The following RERE variants were observed in gnomAD, a reference collection of about 807,000 sequenced individuals.
RERE encodes arginine-glutamic acid dipeptide repeats protein.
RERE carries 40 observed loss-of-function variants against 146.1 expected under a neutral mutation model. The observed-to-expected ratio is 0.27, with a 90% CI of 0.21 to 0.36. The LOEUF is 0.36. Ranked by LOEUF, RERE falls within the 10% of genes least tolerant of loss-of-function variation. The pLI is 1.00. For synonymous variants in RERE, 1,003 were observed against 866.0 expected, an observed-to-expected ratio of 1.16 and a Z score of -2.78; for missense variants, 1,933 against 2,138.7, an observed-to-expected ratio of 0.90 and a Z score of 1.90.
At chr1:8,554,238 TG>T (rs1309123141) in intron 6 of RERE, among the ~76,000 whole-genome samples, 1 of 152,234 alleles carries the variant, frequency 6.6e-6, no homozygotes, top group Non-Finnish European at 1.5e-5. Context: ...TCAAATATGT[TG>T]ATTTTAAGCA....
At chr1:8,593,197 T>C (rs1206070578) in intron 4 of RERE, among the ~76,000 whole-genome samples, 7 of 152,158 alleles carry the variant, frequency 4.6e-5, no homozygotes, top group South Asian at 2.1e-4. Context: ...TAAACCAAAG[T>C]TGTTAGGCAC....
intron 7 of RERE, among the ~76,000 whole-genome samples, chr1:8,531,788 T>C (rs1296954435): frequency 6.6e-6 from 1 of 152,218 alleles, no homozygotes; most frequent in Non-Finnish European, 1.5e-5. Flanking sequence ...TTGAATTTTA[T>C]CAAGTGCTTT....
chr1:8,673,268 G>C (rs1182188749), intron 1 of RERE, among the ~76,000 whole-genome samples: 1 of 152,094 alleles, frequency 6.6e-6, no homozygotes, highest in Non-Finnish European at 1.5e-5. Context: ...GCTAATTTTT[G>C]TATTTTTAGT....
intron 10 of RERE, among the ~76,000 whole-genome samples, chr1:8,494,133 C>G (rs773350085): frequency 7.2e-5 from 11 of 152,122 alleles, no homozygotes; most frequent in Admixed American, 1.3e-4. Flanking sequence ...GTCATGCAAC[C>G]AACTCAGTAA....
chr1:8,681,854 G>C (rs1638979517), intron 1 of RERE, among the ~76,000 whole-genome samples: 1 of 152,148 alleles, frequency 6.6e-6, no homozygotes, highest in Non-Finnish European at 1.5e-5. Flanking sequence ...AGGAATGGAA[G>C]GCGAAATTGA....
At chr1:8,680,124 G>A (rs111314948) in intron 1 of RERE, among the ~76,000 whole-genome samples, 117 of 152,228 alleles carry the variant, frequency 7.7e-4, no homozygotes, top group African/African-American at 2.7e-3. Flanking sequence ...AGGCAGTCAC[G>A]TGACACCAAT....
chr1:8,688,364 C>A (rs1229658418), intron 1 of RERE, among the ~76,000 whole-genome samples: 1 of 152,026 alleles, frequency 6.6e-6, no homozygotes, highest in Non-Finnish European at 1.5e-5. Context: ...GAGTCGAAGA[C>A]CAGCCTGGGT....
intron 4 of RERE, among the ~76,000 whole-genome samples, chr1:8,614,347 C>A (rs980717307): frequency 6.6e-6 from 1 of 152,138 alleles, no homozygotes; most frequent in African/African-American, 2.4e-5. Flanking sequence ...CCAAAATACC[C>A]TTCCACCAAA....
intron 10 of RERE, among the ~76,000 whole-genome samples, chr1:8,484,832 T>C (rs759135923): frequency 6.6e-6 from 1 of 152,216 alleles, no homozygotes; most frequent in Non-Finnish European, 1.5e-5. Context: ...GAAATCCCTC[T>C]TTTCCTAATG....
chr1:8,759,877 A>AC (rs36011289), intron 1 of RERE, among the ~76,000 whole-genome samples: 1 of 150,340 alleles, frequency 6.7e-6, no homozygotes, highest in African/African-American at 2.5e-5. Flanking sequence ...ACACACACAC[A>AC]ATATGTCTTG....
At chr1:8,367,447 G>A (rs1384379681) in intron 12 of RERE, among the ~76,000 whole-genome samples, 1 of 152,200 alleles carries the variant, frequency 6.6e-6, no homozygotes, top group Non-Finnish European at 1.5e-5. Context: ...CTTGAAGGAG[G>A]GCTGACTGGC....
chr1:8,490,430 T>G (rs1211669299), intron 10 of RERE, among the ~76,000 whole-genome samples: 2 of 149,542 alleles, frequency 1.3e-5, no homozygotes, highest in Non-Finnish European at 2.9e-5. Context: ...ATCCTGCCAC[T>G]CCAAGTATTT....
At chr1:8,622,220 AT>A (rs1208383541) in intron 3 of RERE, among the ~76,000 whole-genome samples, 1 of 152,226 alleles carries the variant, frequency 6.6e-6, no homozygotes, top group African/African-American at 2.4e-5. Context: ...TCAGCATTTC[AT>A]AAGAGATGCT....
intron 20 of RERE, among the ~76,000 whole-genome samples, chr1:8,357,344 A>G (rs1641334679): frequency 6.6e-6 from 1 of 152,214 alleles, no homozygotes; most frequent in African/African-American, 2.4e-5. Flanking sequence ...GAGGACGGCA[A>G]TGGTGAGTGC....
intron 6 of RERE, among the ~76,000 whole-genome samples, chr1:8,547,519 A>T (rs186099735): frequency 6.6e-6 from 1 of 152,324 alleles, no homozygotes; most frequent in Non-Finnish European, 1.5e-5. Flanking sequence ...GCCATGTACC[A>T]CGGTTGTATA....
chr1:8,647,064 C>T (rs575944532), intron 2 of RERE, among the ~76,000 whole-genome samples: 3 of 152,278 alleles, frequency 2.0e-5, no homozygotes, highest in East Asian at 3.9e-4. Context: ...CCATCCTGGG[C>T]GACCCTGTCT....
At chr1:8,811,951 C>T (rs1641820667) in intron 1 of RERE, among the ~76,000 whole-genome samples, 1 of 152,212 alleles carries the variant, frequency 6.6e-6, no homozygotes, top group Admixed American at 6.5e-5. Context: ...TATCTGGTCG[C>T]TAAAGCTGGG....
At chr1:8,439,239 A>T (rs960554411) in intron 11 of RERE, among the ~76,000 whole-genome samples, 1 of 152,260 alleles carries the variant, frequency 6.6e-6, no homozygotes, top group African/African-American at 2.4e-5. Flanking sequence ...TTGTAAAATC[A>T]AAATCAAAAG....
chr1:8,390,477 A>G (rs1467146245), intron 12 of RERE, among the ~76,000 whole-genome samples: 2 of 152,178 alleles, frequency 1.3e-5, no homozygotes, highest in Non-Finnish European at 1.5e-5. Context: ...AACTGTATCA[A>G]TAACTATAGG....
Sources: allele counts gnomAD v4.1 joint callset (sites outside exome capture counted in the v4.1 genomes callset), GRCh38; gene constraint gnomAD v4.1.1; transcripts MANE v1.5; gene names NCBI Gene and HGNC (gene_info 2026-07-23, HGNC 2026-07-21).